Variants in FBXW8 observed in about 807,000 individuals in gnomAD.
FBXW8 encodes the protein F-box/WD repeat-containing protein 8.
Under a neutral mutation model 65.3 loss-of-function variants are expected in FBXW8, and 57 were observed. The ratio of observed to expected loss-of-function variants is 0.87; its 90% CI spans 0.71 to 1.09. The LOEUF (loss-of-function observed/expected upper bound fraction) is 1.09. FBXW8 is among the 50% of genes least tolerant of loss of function. The pLI is 0.00. For synonymous variants in FBXW8, 308 were observed against 330.2 expected (o/e 0.93, Z 0.73); for missense variants, 777 against 814.8 (o/e 0.95, Z 0.57).
intron 1 of FBXW8, among the ~76,000 whole-genome samples, chr12:116,921,289 CAACA>C (rs1409167706): frequency 6.6e-6 from 1 of 152,224 alleles, no homozygotes; most frequent in Non-Finnish European, 1.5e-5. Flanking sequence ...CACATGTGAT[CAACA>C]AACATTTATT....
At position 116,977,001 on chromosome 12, in the gene FBXW8, G is replaced by C. The variant is rs186004415; in HGVS notation, c.836-8205G>C. On this transcript the variant is annotated intron_variant, in intron 5 of 10. Coordinates refer to ENST00000652555, the MANE Select transcript of FBXW8 (RefSeq NM_153348.3). Reference sequence around the variant, plus strand: ...TGATCCACTCTGGGCACAGGGGAGGGAGACCCGAGAGCCCCACCCCAGACA... The same window carrying C: ...TGATCCACTCTGGGCACAGGGGAGGCAGACCCGAGAGCCCCACCCCAGACA... Among the ~76,000 whole-genome samples the C allele has an allele frequency of 4.6e-3, 696 of 152,274 alleles. 1 individual carries two copies. Among genetic ancestry groups the C allele is most frequent in the Non-Finnish European group, 6.9e-3 (467 of 68,016 alleles).
intron 5 of FBXW8, among the ~76,000 whole-genome samples, chr12:116,970,783 G>A (rs1884604268): frequency 6.6e-6 from 1 of 152,118 alleles, no homozygotes; most frequent in African/African-American, 2.4e-5. Flanking sequence ...AGAAGGCTAA[G>A]GCAATTGATG....
chr12:116,928,261 T>A, intron 2 of FBXW8, 134 bp downstream of exon 2: 3 of 666,236 alleles, frequency 4.5e-6, no homozygotes, highest in Non-Finnish European at 8.0e-6. Context: ...CAAGTTTACT[T>A]GAAGGAAAGC....
At position 116,936,829 on chromosome 12, in the gene FBXW8, G is replaced by A. The variant is rs115541672; in HGVS notation, c.424-8535G>A. Among the ~76,000 whole-genome samples the A allele has an allele frequency of 4.2e-3, 632 of 152,250 alleles. 5 individuals are homozygous for A. Among genetic ancestry groups the A allele is most frequent in the African/African-American group, 0.015 (609 of 41,548 alleles). On this transcript the variant is annotated intron_variant, in intron 2 of 10. Coordinates refer to ENST00000652555, the MANE Select transcript of FBXW8 (RefSeq NM_153348.3). This position sits in a 1 kb window ranked among gnomAD's most constrained non-coding sequence, Gnocchi z 4.6. ...GGAGAGGACTCAGGATGTGATAAGC[G>A]TTTAATCCATTAAAAGAACTCGAAG...
chr12:117,005,021 G>C (rs2135702468), intron 7 of FBXW8, among the ~76,000 whole-genome samples: 1 of 152,336 alleles, frequency 6.6e-6, no homozygotes, highest in East Asian at 1.9e-4. Context: ...TAAATGGCAA[G>C]GTTTTCCAGA....
chr12:117,019,837 A>G (rs1018625597), intron 8 of FBXW8, among the ~76,000 whole-genome samples: 11 of 152,186 alleles, frequency 7.2e-5, no homozygotes, highest in African/African-American at 2.4e-4. Context: ...TTCTTCTCCA[A>G]GGTAATTGTT....
chr12:116,971,331 G>T lies in FBXW8; in HGVS notation c.835+6477G>T, dbSNP rs192122577. On this transcript the variant is annotated intron_variant, in intron 5 of 10. Transcript: ENST00000652555. ...TGCGTGATTGCTCTGCTGCATTTCTGCCTGGGCAACAGAGCAAGACCCAGT... is the reference window on the plus strand; with the variant it reads ...TGCGTGATTGCTCTGCTGCATTTCTTCCTGGGCAACAGAGCAAGACCCAGT... 1.3e-3 allele frequency among the ~76,000 whole-genome samples: 200 copies of T among 151,354 alleles called. 5 individuals are homozygous for T. Among genetic ancestry groups the T allele is most frequent in the African/African-American group, 4.5e-3 (187 of 41,128 alleles).
chr12:116,955,411 C>A (rs566266719), intron 4 of FBXW8, among the ~76,000 whole-genome samples: 6 of 152,318 alleles, frequency 3.9e-5, no homozygotes, highest in African/African-American at 1.4e-4. Flanking sequence ...TCATAAGTCA[C>A]CAGTCTCTAC....
At chr12:116,928,599 C>T (rs1881524441) in intron 2 of FBXW8, among the ~76,000 whole-genome samples, 1 of 152,188 alleles carries the variant, frequency 6.6e-6, no homozygotes, top group Admixed American at 6.5e-5. Context: ...TAGGATCTCA[C>T]TCAGTGAGGT....
chr12:116,919,156 T>C (rs1031057691), intron 1 of FBXW8, among the ~76,000 whole-genome samples: 2 of 152,228 alleles, frequency 1.3e-5, no homozygotes, highest in African/African-American at 4.8e-5. Flanking sequence ...GGGGGACGAC[T>C]GTGTTTTCTG....
intron 8 of FBXW8, among the ~76,000 whole-genome samples, chr12:117,010,824 A>G (rs1177308771): frequency 6.6e-6 from 1 of 152,270 alleles, no homozygotes; most frequent in Non-Finnish European, 1.5e-5. Context: ...AATCATGTTC[A>G]GCAAAATAGG....
intron 8 of FBXW8, among the ~76,000 whole-genome samples, chr12:117,014,423 T>C (rs1953898932): frequency 6.6e-6 from 1 of 152,232 alleles, no homozygotes; most frequent in Non-Finnish European, 1.5e-5. Context: ...TATCTTAGGG[T>C]TGACATCTGT....
chr12:116,916,927 A>AG (rs60342386), intron 1 of FBXW8, among the ~76,000 whole-genome samples: 42 of 151,470 alleles, frequency 2.8e-4, no homozygotes, highest in Non-Finnish European at 1.5e-4. Context: ...AGAGAGAGAG[A>AG]AAGAGGTGTG....
At position 116,970,449 on chromosome 12, in the gene FBXW8, G is replaced by A. The variant is rs2137403067; in HGVS notation, c.835+5595G>A. 2.0e-5 allele frequency among the ~76,000 whole-genome samples: 3 copies of A among 152,296 alleles called. No individual in the cohort carries two copies. In the Middle Eastern group the frequency reaches 0.01, roughly 518 times the overall value. On this transcript the variant is annotated intron_variant, in intron 5 of 10. Coordinates refer to ENST00000652555, the MANE Select transcript of FBXW8 (RefSeq NM_153348.3). ...TTGTCCGGGACTGTGGCTGCCCTGG[G>A]CGGAGGTGACTATGATTTCTCATTT...
chr12:116,928,265 G>A, intron 2 of FBXW8, 138 bp downstream of exon 2: 3 of 660,322 alleles, frequency 4.5e-6, no homozygotes, highest in Non-Finnish European at 8.1e-6. Flanking sequence ...TTTACTTGAA[G>A]GAAAGCCACC....
In FBXW8 at chr12:117,010,352, C is replaced by T. The variant is rs377454723; in HGVS notation, c.1269C>T (p.Arg423=). 3.1e-6 allele frequency: 5 copies of T among 1,614,120 alleles called. No individual in the cohort carries two copies. In the African/African-American group the frequency reaches 4.0e-5, roughly 13 times the overall value. ...TGGTGTATAGCCTGGAAGCAGGACG[C>T]CGCCTCTTGAAGCTGGGTAACGTTC... is the stretch of plus-strand genomic sequence containing the variant. The part of the protein sequence containing the change: ...KILVYSLEAG[R]RLLKLGNVLR... Residue 423 remains arginine, a synonymous_variant, in exon 8 of 11, where the codon CGC becomes CGT. Coordinates refer to ENST00000652555, the MANE Select transcript of FBXW8 (RefSeq NM_153348.3).
At chr12:117,016,437 A>G (rs1417933530) in intron 8 of FBXW8, among the ~76,000 whole-genome samples, 1 of 152,218 alleles carries the variant, frequency 6.6e-6, no homozygotes, top group Non-Finnish European at 1.5e-5. Context: ...TGTCTATCCA[A>G]ATCCTCAGCC....
At chr12:117,025,429 G>A (rs1193397035) in intron 9 of FBXW8, among the ~76,000 whole-genome samples, 1 of 152,238 alleles carries the variant, frequency 6.6e-6, no homozygotes, top group East Asian at 1.9e-4. Context: ...ACTAAGATTT[G>A]TTCCCCACTT....
intron 7 of FBXW8, among the ~76,000 whole-genome samples, chr12:116,995,403 T>G (rs898741201): frequency 1.2e-4 from 18 of 152,188 alleles, no homozygotes; most frequent in African/African-American, 4.3e-4. Context: ...TGTGGAGTTG[T>G]GTTGAGCCAG....
Sources: gnomAD v4.1 joint callset for allele counts (sites outside exome capture counted in the v4.1 genomes callset) on GRCh38, gnomAD v4.1.1 for gene constraint, Gnocchi (gnomAD v3.1) non-coding constraint, MANE v1.5 for transcripts, NCBI Gene and HGNC (gene_info 2026-07-23, HGNC 2026-07-21) for gene names.